Variants in CDC42BPB observed in about 807,000 individuals in gnomAD.
CDC42BPB encodes serine/threonine-protein kinase MRCK beta.
CDC42BPB carries 37 observed loss-of-function variants against 214.9 expected under a neutral mutation model. The ratio of observed to expected loss-of-function variants is 0.17; its 90% confidence interval spans 0.13 to 0.23. The LOEUF is 0.23. CDC42BPB is among the 10% of genes least tolerant of loss of function. The pLI is 1.00. For synonymous variants in CDC42BPB, 931 were observed against 884.0 expected (o/e 1.05, Z -0.94); for missense variants, 1,694 against 2,227.0 (o/e 0.76, Z 4.82).
At chr14:103,038,508 T>C (rs1887796912) in intron 1 of CDC42BPB, among the ~76,000 whole-genome samples, 1 of 151,988 alleles carries the variant, frequency 6.6e-6, no homozygotes, top group African/African-American at 2.4e-5. Flanking sequence ...TGTGGATGGA[T>C]CTCAGTTACT....
chr14:102,954,913 G>GAGGAAGCCA, intron 21 of CDC42BPB: 1 of 552,964 alleles, frequency 1.8e-6, no homozygotes, highest in Non-Finnish European at 2.3e-6. Context: ...TTCCTCAGCT[G>GAGGAAGCCA]AGTGGTGATT....
intron 1 of CDC42BPB, among the ~76,000 whole-genome samples, chr14:103,042,553 G>A (rs1436723421): frequency 6.6e-6 from 1 of 152,078 alleles, no homozygotes; most frequent in Non-Finnish European, 1.5e-5. Flanking sequence ...CTCGTGATCT[G>A]CCCGCCTCGG....
At position 102,974,066 on chromosome 14, in the gene CDC42BPB, G is replaced by A; in HGVS notation, c.1591C>T (p.Leu531=). ...CGGACCACGCGGTGCTGCTTCTCCAGCCCCCGCAGCCGCTGCGTGGAGTCC... is the reference window on the plus strand; with the variant it reads ...CGGACCACGCGGTGCTGCTTCTCCAACCCCCGCAGCCGCTGCGTGGAGTCC... ...REDSTQRLRG[L]EKQHRVVRQE... Residue 531 remains leucine, a synonymous_variant, in exon 12 of 37, where the codon CTG becomes TTG. Coordinates refer to ENST00000361246, the MANE Select transcript of CDC42BPB (RefSeq NM_006035.4). The A allele has an allele frequency of 6.2e-7, 1 of 1,613,784 alleles. No homozygotes were observed.
At chr14:102,977,866 T>A (rs1286415534) in intron 9 of CDC42BPB, among the ~76,000 whole-genome samples, 1 of 152,094 alleles carries the variant, frequency 6.6e-6, no homozygotes, top group Non-Finnish European at 1.5e-5. Flanking sequence ...AAGAAGAACA[T>A]ACAACAAAGG....
Position 102,978,357 on chromosome 14 carries a change from A to G in CDC42BPB, c.1141-152T>C, listed in dbSNP as rs140606668. On this transcript the variant is annotated intron_variant, in intron 8 of 36. Transcript: ENST00000361246. ...TTCCATGGTGTCCTCTGCAGGGGAG[A>G]TGAGTATAGCAGATCTGTCTTTCTC... 3.1e-5 allele frequency: 45 copies of G among 1,475,152 alleles called. No homozygotes were observed. In the East Asian group the frequency reaches 1.1e-3, roughly 37 times the overall value. The allele number at this position is 1,475,152 out of a possible 1,614,324, so 91.4% of individuals were successfully genotyped here.
intron 8 of CDC42BPB, among the ~76,000 whole-genome samples, chr14:102,979,192 G>C (rs1055375987): frequency 6.6e-6 from 1 of 151,576 alleles, no homozygotes; most frequent in African/African-American, 2.4e-5. Context: ...CAAGTATTCG[G>C]TGCAAATAGA....
intron 1 of CDC42BPB, among the ~76,000 whole-genome samples, chr14:103,053,531 G>C (rs955430556): frequency 6.6e-6 from 1 of 151,778 alleles, no homozygotes; most frequent in Non-Finnish European, 1.5e-5. Flanking sequence ...GGAGGCCAAG[G>C]GGGGCAGATC....
chr14:102,959,838 T>TAAAA (rs35833302), intron 20 of CDC42BPB, 128 bp from the exon 21 acceptor site: 182 of 718,342 alleles, frequency 2.5e-4, no homozygotes, highest in South Asian at 8.6e-4. Flanking sequence ...TGATCACAAT[T>TAAAA]AAAAAAAAAA....
intron 5 of CDC42BPB, among the ~76,000 whole-genome samples, chr14:102,997,233 T>A (rs982928081): frequency 2.0e-5 from 3 of 152,086 alleles, no homozygotes; most frequent in Admixed American, 1.3e-4. Context: ...AGCCTCAAGG[T>A]GGAAGACACA....
chr14:103,006,559 TA>T (rs1309004671), intron 3 of CDC42BPB, among the ~76,000 whole-genome samples: 1 of 152,228 alleles, frequency 6.6e-6, no homozygotes, highest in Non-Finnish European at 1.5e-5. Flanking sequence ...CCTTGCCTGG[TA>T]GAAAAATTAT....
At chr14:102,962,608 G>A (rs1893011186) in intron 20 of CDC42BPB, among the ~76,000 whole-genome samples, 1 of 152,246 alleles carries the variant, frequency 6.6e-6, no homozygotes, top group Non-Finnish European at 1.5e-5. Flanking sequence ...CCAGCACTTT[G>A]GGAGGCTGAG....
chr14:102,966,970 G>A (rs1463827394), intron 17 of CDC42BPB, 76 bp downstream of exon 17: 1 of 1,535,712 alleles, frequency 6.5e-7, no homozygotes, highest in Non-Finnish European at 8.9e-7. Flanking sequence ...CACAGGATCA[G>A]GCAGAAGAGG....
chr14:103,046,666 T>G (rs1888305082), intron 1 of CDC42BPB, among the ~76,000 whole-genome samples: 1 of 152,114 alleles, frequency 6.6e-6, no homozygotes, highest in African/African-American at 2.4e-5. Flanking sequence ...CAACAACACT[T>G]TTTTTTGGAG....
chr14:102,935,092 A>G (rs1268677023), intron 36 of CDC42BPB, among the ~76,000 whole-genome samples: 2 of 152,120 alleles, frequency 1.3e-5, no homozygotes, highest in South Asian at 2.1e-4. Context: ...GCTATTCAAC[A>G]TGGGGCTAGA....
chr14:102,966,152 G>T, intron 18 of CDC42BPB, 130 bp downstream of exon 18: 1 of 616,752 alleles, frequency 1.6e-6, no homozygotes. Context: ...TCCTTAAATT[G>T]GGGAACTGGT....
At chr14:103,017,567 G>C (rs765618432) in intron 1 of CDC42BPB, among the ~76,000 whole-genome samples, 2 of 152,018 alleles carry the variant, frequency 1.3e-5, no homozygotes, top group Non-Finnish European at 2.9e-5. Context: ...CACAGGACAC[G>C]AGGGGGAAAC....
rs539160551 is a variant in CDC42BPB, at chr14:102,933,477, T to C, written c.*235A>G. ...AGACAGGCTGTATGGGGGTCCTTCA[T>C]GTGCAGATGGAACAGCATCGCCTCA... On this transcript the variant is annotated 3_prime_UTR_variant, in exon 37 of 37. Transcript: ENST00000361246. 5.0e-6 allele frequency: 2 copies of C among 396,620 alleles called. No individual in the cohort carries two copies. The highest frequency in any genetic ancestry group is 2.1e-5 in the African/African-American group (1 of 48,384). 24.6% of individuals were successfully genotyped at this position (396,620 alleles called of 1,614,324 possible).
At chr14:102,964,834 C>G in intron 18 of CDC42BPB, 184 bp from the exon 19 acceptor site, 1 of 846,178 alleles carries the variant, frequency 1.2e-6, no homozygotes, top group Non-Finnish European at 1.4e-6. Flanking sequence ...TTTACTCTTC[C>G]TCAGAAATCT....
intron 3 of CDC42BPB, among the ~76,000 whole-genome samples, chr14:103,007,250 G>C (rs939693069): frequency 3.3e-5 from 5 of 152,200 alleles, no homozygotes; most frequent in Non-Finnish European, 7.3e-5. Context: ...ATGGTTGTGA[G>C]ACCTTGTGCT....
Sources: allele counts gnomAD v4.1 joint callset (sites outside exome capture counted in the v4.1 genomes callset), GRCh38; gene constraint gnomAD v4.1.1; transcripts MANE v1.5; gene names NCBI Gene and HGNC (gene_info 2026-07-23, HGNC 2026-07-21).